The following PCCA variants were observed in gnomAD, a reference collection of about 807,000 sequenced individuals.
PCCA encodes the protein propionyl-CoA carboxylase subunit alpha.
A neutral mutation model predicts 101.3 loss-of-function variants in PCCA; 74 were observed. The ratio of observed to expected loss-of-function variants is 0.73; its 90% confidence interval spans 0.61 to 0.89. The LOEUF (loss-of-function observed/expected upper bound fraction) is 0.89, where lower values mean the gene tolerates loss of function less well. Among genes scored for constraint, PCCA ranks in the 40% least tolerant of loss-of-function variants. The probability of loss-of-function intolerance (pLI) is 0.00; values close to 1 mark genes in which losing one functional copy is unlikely to be tolerated. For missense variants in PCCA, 891 were observed against 907.0 expected (o/e 0.98, Z 0.23); for synonymous variants, 294 against 313.6 (o/e 0.94, Z 0.66).
At chr13:100,262,605 G>A (rs1256127177) in intron 9 of PCCA, 124 bp from the exon 10 acceptor site, 3 of 674,868 alleles carry the variant, frequency 4.4e-6, no homozygotes, top group Admixed American at 2.4e-5. Flanking sequence ...ATATTTAATC[G>A]ATTGTGTTTT....
At chr13:100,093,832 G>A (rs897796663) in intron 1 of PCCA, among the ~76,000 whole-genome samples, 10 of 152,122 alleles carry the variant, frequency 6.6e-5, no homozygotes, top group South Asian at 2.1e-4. Flanking sequence ...CTAGGTACTT[G>A]GGAGGCTGAG....
At chr13:100,366,319 AC>A (rs1278851899) in intron 18 of PCCA, among the ~76,000 whole-genome samples, 42 of 151,758 alleles carry the variant, frequency 2.8e-4, no homozygotes, top group African/African-American at 9.2e-4. Flanking sequence ...CAGTCCTGTC[AC>A]ACCTGTGCTC....
chr13:100,103,074 A>G, intron 2 of PCCA, 114 bp downstream of exon 2: 2 of 728,000 alleles, frequency 2.7e-6, no homozygotes, highest in African/African-American at 1.7e-5. Flanking sequence ...CTGTGTGGTC[A>G]TTGATCACTC....
At chr13:100,228,190 ATT>A (rs1223610401) in intron 7 of PCCA, among the ~76,000 whole-genome samples, 2 of 151,794 alleles carry the variant, frequency 1.3e-5, no homozygotes, top group East Asian at 3.9e-4. Flanking sequence ...TGATTTTTGT[ATT>A]TTTAGTAAAT....
intron 19 of PCCA, among the ~76,000 whole-genome samples, chr13:100,400,630 C>CTTTTTTTTTTTTGTTTTTTTTTTTTTTTT (rs2077293072): frequency 1.1e-5 from 1 of 90,976 alleles, no homozygotes; most frequent in Non-Finnish European, 2.0e-5. Context: ...CTTTTTAGTT[C>CTTTTTTTTTTTTGTTTTTTTTTTTTTTTT]TTTTTTTTTT....
At chr13:100,378,141 G>A (rs571529198) in intron 19 of PCCA, among the ~76,000 whole-genome samples, 2 of 152,056 alleles carry the variant, frequency 1.3e-5, no homozygotes, top group East Asian at 3.8e-4. Context: ...GGTCAAATTC[G>A]GCGTTTGCTT....
At chr13:100,475,506 A>G (rs938503223) in intron 21 of PCCA, among the ~76,000 whole-genome samples, 1 of 152,182 alleles carries the variant, frequency 6.6e-6, no homozygotes, top group Non-Finnish European at 1.5e-5. Flanking sequence ...GGCAAATAAC[A>G]TCCCATTGTA....
chr13:100,425,319 T>C (rs1055487296), intron 19 of PCCA, among the ~76,000 whole-genome samples: 8 of 152,262 alleles, frequency 5.3e-5, no homozygotes, highest in African/African-American at 1.9e-4. Flanking sequence ...GGAATTTATA[T>C]GCATTACTTG....
intron 19 of PCCA, among the ~76,000 whole-genome samples, chr13:100,384,694 G>A (rs2076406724): frequency 6.6e-6 from 1 of 152,030 alleles, no homozygotes; most frequent in Non-Finnish European, 1.5e-5. Flanking sequence ...TTTTAGGATA[G>A]GCTTTTAATC....
intron 2 of PCCA, among the ~76,000 whole-genome samples, chr13:100,105,155 A>G (rs1179393507): frequency 6.6e-6 from 1 of 152,212 alleles, no homozygotes; most frequent in East Asian, 1.9e-4. Context: ...AAGTCTTCTA[A>G]ATCCAGTGTA....
rs754755038 is a variant in PCCA, at chr13:100,302,981, C to T, written c.1267C>T (p.Pro423Ser). The part of the protein sequence containing the change: ...SIGRLSQYQE[P>S]LHLPGVRVDS... ...TGGGAGATTGTCTCAGTACCAAGAA[C>T]CGTTACATCTACCTGGTGTAAGTCA... The change falls in exon 14 of 24, where the codon CCG becomes TCG. Residue 423 changes from proline (P) to serine (S), a missense_variant. Coordinates refer to ENST00000376285, the MANE Select transcript of PCCA (RefSeq NM_000282.4). The T allele has an allele frequency of 1.3e-5, 21 of 1,593,770 alleles. No homozygotes were observed. Among genetic ancestry groups the T allele is most frequent in the Non-Finnish European group, 1.8e-5 (21 of 1,161,706 alleles).
intron 4 of PCCA, among the ~76,000 whole-genome samples, chr13:100,112,834 C>T (rs937293310): frequency 1.5e-4 from 23 of 152,050 alleles, no homozygotes; most frequent in Admixed American, 1.2e-3. Context: ...CCCCGGCCTC[C>T]CAAAGTGCTG....
intron 21 of PCCA, among the ~76,000 whole-genome samples, chr13:100,505,940 C>G (rs2152991803): frequency 6.6e-6 from 1 of 151,570 alleles, no homozygotes; most frequent in East Asian, 2.0e-4. Context: ...GAAATAATAC[C>G]TGGTGAATAG....
At chr13:100,270,098 A>G (rs1455674935) in intron 11 of PCCA, among the ~76,000 whole-genome samples, 2 of 152,240 alleles carry the variant, frequency 1.3e-5, no homozygotes, top group East Asian at 3.8e-4. Flanking sequence ...TGTAGCTTAC[A>G]TAAGATGTGG....
chr13:100,403,472 A>G (rs1270656770), intron 19 of PCCA, among the ~76,000 whole-genome samples: 1 of 152,140 alleles, frequency 6.6e-6, no homozygotes, highest in East Asian at 1.9e-4. Context: ...TCACGGTGGA[A>G]GGCCAAAGAG....
chr13:100,350,717 T>G lies in PCCA; in HGVS notation c.1643+10458T>G, dbSNP rs200530360. ...CCTGATTATTGCTGGAGAATTTCTC[T>G]GTTCCCTACCATGATTCCAGAAGCT... is the stretch of plus-strand genomic sequence containing the variant. On this transcript the variant is annotated intron_variant, in intron 18 of 23. Coordinates refer to ENST00000376285, the MANE Select transcript of PCCA (RefSeq NM_000282.4). Among the ~76,000 whole-genome samples the G allele has an allele frequency of 6.6e-5, 10 of 152,244 alleles. No individual in the cohort carries two copies. In the East Asian group the frequency reaches 1.9e-3, roughly 29 times the overall value.
intron 12 of PCCA, among the ~76,000 whole-genome samples, chr13:100,297,734 CATGAGGGTG>C (rs1233542835): frequency 6.6e-6 from 1 of 152,102 alleles, no homozygotes; most frequent in African/African-American, 2.4e-5. Context: ...TATTCTAGTC[CATGAGGGTG>C]ATTATGGCAT....
At chr13:100,142,036 A>G (rs1042221299) in intron 4 of PCCA, among the ~76,000 whole-genome samples, 2 of 151,806 alleles carry the variant, frequency 1.3e-5, no homozygotes, top group African/African-American at 4.8e-5. Context: ...ATACTTGGAA[A>G]TTCATTTTTT....
Position 100,257,660 on chromosome 13 carries a change from G to A in PCCA, c.703G>A (p.Asp235Asn), listed in dbSNP as rs1026000434. The A allele has an allele frequency of 6.2e-7, 1 of 1,612,978 alleles. No individual in the cohort carries two copies. Among genetic ancestry groups the A allele is most frequent in the Non-Finnish European group, 8.5e-7 (1 of 1,179,078 alleles). ...GGKGMRIAWD[D>N]EETRDGFRLS... ...GAAAGGCATGCGCATTGCTTGGGAT[G>A]ATGAAGAGACCAGGTGAGAGGCTGT... Residue 235 changes from aspartate to asparagine, a missense_variant, in exon 9 of 24, where the codon GAT (aspartate) becomes AAT (asparagine). Physicochemically the swap from Asp to Asn is conservative, Grantham distance 23. Coordinates refer to ENST00000376285, the MANE Select transcript of PCCA (RefSeq NM_000282.4).
Sources: gnomAD v4.1 joint callset for allele counts (sites outside exome capture counted in the v4.1 genomes callset) on GRCh38, gnomAD v4.1.1 for gene constraint, MANE v1.5 for transcripts, NCBI Gene and HGNC (gene_info 2026-07-23, HGNC 2026-07-21) for gene names.